The following ARHGEF11 variants were observed in gnomAD, a reference collection of about 807,000 sequenced individuals.
ARHGEF11 encodes the protein Rho guanine nucleotide exchange factor 11, also known as Rho guanine exchange factor (GEF) 11.
ARHGEF11 carries 55 observed loss-of-function variants against 193.7 expected under a neutral mutation model. The observed-to-expected ratio is 0.28, with a 90% CI of 0.23 to 0.36. The LOEUF (loss-of-function observed/expected upper bound fraction) is 0.36, where lower values mean the gene tolerates loss of function less well. Ranked by LOEUF, ARHGEF11 falls within the 10% of genes least tolerant of loss-of-function variation. The probability of loss-of-function intolerance (pLI) is 1.00; values close to 1 mark genes in which losing one functional copy is unlikely to be tolerated. For synonymous variants in ARHGEF11, 693 were observed against 768.0 expected (o/e 0.90, Z 1.62); for missense variants, 1,723 against 2,005.6 (o/e 0.86, Z 2.69).
At chr1:156,965,334 T>C (rs1329358634) in intron 11 of ARHGEF11, among the ~76,000 whole-genome samples, 1 of 151,812 alleles carries the variant, frequency 6.6e-6, no homozygotes. Context: ...AAGATAGGGG[T>C]ATAGAGAGGG....
chr1:156,937,561 C>T (rs534762547), intron 38 of ARHGEF11, 65 bp from the exon 39 acceptor site: 1 of 1,478,668 alleles, frequency 6.8e-7, no homozygotes, highest in African/African-American at 1.4e-5. Flanking sequence ...TCCTCCCGTT[C>T]CTGTGGGATT....
intron 40 of ARHGEF11, 132 bp downstream of exon 40, chr1:156,936,684 G>C: frequency 1.8e-6 from 2 of 1,081,104 alleles, no homozygotes; most frequent in East Asian, 2.4e-5. Flanking sequence ...GAAGCTGAGA[G>C]AATGAACTCG....
At chr1:157,021,274 C>T (rs1669939123) in intron 1 of ARHGEF11, among the ~76,000 whole-genome samples, 1 of 152,138 alleles carries the variant, frequency 6.6e-6, no homozygotes, top group Non-Finnish European at 1.5e-5. Flanking sequence ...TCCTTCCAAT[C>T]CTAAAGCCTT....
chr1:156,945,255 G>A (rs1014920847), intron 29 of ARHGEF11, 58 bp from the exon 30 acceptor site: 178 of 1,557,986 alleles, frequency 1.1e-4, no homozygotes, highest in Middle Eastern at 2.0e-4. Flanking sequence ...CCAACATGGC[G>A]CCAGCTGTTA....
chr1:156,982,526 C>T (rs901807452), intron 3 of ARHGEF11, among the ~76,000 whole-genome samples: 3 of 152,172 alleles, frequency 2.0e-5, no homozygotes, highest in African/African-American at 4.8e-5. Context: ...TCCTCCCCAA[C>T]ACACACATGC....
At chr1:156,994,395 T>TG (rs1000688090) in intron 1 of ARHGEF11, among the ~76,000 whole-genome samples, 30 of 151,214 alleles carry the variant, frequency 2.0e-4, no homozygotes, top group South Asian at 6.3e-4. Context: ...ATTGTGTGTT[T>TG]TTTTTTTTTT....
At position 157,016,323 on chromosome 1, in the gene ARHGEF11, G is replaced by A. The variant is rs1049548393; in HGVS notation, c.32+27976C>T. The stretch of plus-strand genomic sequence containing the variant: ...CAACCTCCGCCTCTCAGATTTAAGC[G>A]ATTCTCCTGCCTCAGCCTCCCGAGT... On this transcript the variant is annotated intron_variant, in intron 1 of 40. Transcript: ENST00000368194. 2.0e-5 allele frequency among the ~76,000 whole-genome samples: 3 copies of A among 152,098 alleles called. 1 individual carries two copies. The highest frequency in any genetic ancestry group is 1.5e-5 in the Non-Finnish European group (1 of 68,006).
chr1:157,025,082 A>G (rs114643924), intron 1 of ARHGEF11, among the ~76,000 whole-genome samples: 2,673 of 152,338 alleles, frequency 0.018, 78 homozygotes, highest in African/African-American at 0.062. Context: ...AGGATCAATG[A>G]ACATCTCTTG....
At chr1:157,026,710 C>G (rs1028666414) in intron 1 of ARHGEF11, among the ~76,000 whole-genome samples, 1 of 152,220 alleles carries the variant, frequency 6.6e-6, no homozygotes, top group African/African-American at 2.4e-5. Flanking sequence ...CCTCAGCTTT[C>G]TCACTATTAA....
intron 1 of ARHGEF11, among the ~76,000 whole-genome samples, chr1:156,998,749 C>T (rs1190979631): frequency 6.6e-6 from 1 of 152,154 alleles, no homozygotes; most frequent in Non-Finnish European, 1.5e-5. Context: ...TTACAGATCT[C>T]CTAAGATCTC....
At chr1:157,034,913 A>G (rs1029100623) in intron 1 of ARHGEF11, among the ~76,000 whole-genome samples, 4 of 152,332 alleles carry the variant, frequency 2.6e-5, no homozygotes, top group Admixed American at 2.6e-4. Flanking sequence ...GATATTAACC[A>G]GCAAAGACTT....
rs1276087995 is a variant in ARHGEF11, at chr1:156,948,169, C to T, written c.2153+12G>A. ...GACACCAAACAGAGGCACCACCGTG[C>T]CCATCACTTACCTGCGGCCCATTTT... On this transcript the variant is annotated intron_variant, in intron 24 of 40. Coordinates refer to ENST00000368194, the MANE Select transcript of ARHGEF11 (RefSeq NM_198236.3). The surrounding 1 kb of genome is among the most constrained non-coding windows in gnomAD (Gnocchi z 4.2). 2.6e-6 allele frequency: 4 copies of T among 1,557,894 alleles called. No homozygotes were observed. The Admixed American group carries it at 7.3e-5, about 28-fold the overall frequency.
chr1:157,031,715 G>C (rs1047368428), intron 1 of ARHGEF11, among the ~76,000 whole-genome samples: 7 of 152,196 alleles, frequency 4.6e-5, no homozygotes, highest in African/African-American at 1.7e-4. Flanking sequence ...GAGTGGCAAA[G>C]GCCCTAGAAC....
intron 10 of ARHGEF11, 79 bp from the exon 11 acceptor site, chr1:156,968,203 G>A (rs1326549050): frequency 6.7e-7 from 1 of 1,495,714 alleles, no homozygotes; most frequent in African/African-American, 1.4e-5. Context: ...TGTTGGTGGT[G>A]ATAACCATAC....
At chr1:157,036,056 A>AAT (rs1156488358) in intron 1 of ARHGEF11, among the ~76,000 whole-genome samples, 3 of 143,396 alleles carry the variant, frequency 2.1e-5, no homozygotes, top group East Asian at 2.0e-4. Flanking sequence ...TCTATATAGG[A>AAT]ATATATATAT....
At chr1:157,039,794 C>T (rs1672509793) in intron 1 of ARHGEF11, among the ~76,000 whole-genome samples, 1 of 152,160 alleles carries the variant, frequency 6.6e-6, no homozygotes, top group Non-Finnish European at 1.5e-5. Flanking sequence ...TAAAATAACT[C>T]CTCTTACGTT....
Position 156,947,756 on chromosome 1 carries a change from A to G in ARHGEF11, c.2341+13T>C. ...GTGTGAGCGGAGCTGGGGGCAGTGG[A>G]GCACGTTCTCACCATTGATGACCTC... On this transcript the variant is annotated intron_variant, in intron 25 of 40. Transcript: ENST00000368194. The G allele has an allele frequency of 6.2e-7, 1 of 1,611,754 alleles. No homozygotes were observed. Among genetic ancestry groups the G allele is most frequent in the Non-Finnish European group, 8.5e-7 (1 of 1,179,466 alleles).
intron 1 of ARHGEF11, among the ~76,000 whole-genome samples, chr1:156,986,950 C>T (rs1480277085): frequency 6.6e-6 from 1 of 152,210 alleles, no homozygotes; most frequent in Non-Finnish European, 1.5e-5. Flanking sequence ...CAGCTCCAGT[C>T]CCTCAGCCAG....
At position 156,971,740 on chromosome 1, in the gene ARHGEF11, G is replaced by C; in HGVS notation, c.659C>G (p.Thr220Ser). The change falls in exon 8 of 41, where the codon ACT becomes AGT. Residue 220 changes from threonine to serine, a missense_variant. Thr to Ser is a moderately conservative substitution (Grantham distance 58). Transcript: ENST00000368194. ...CTGCTGGATCTTCAGCTGTAACTGA[G>C]TGACTCGCCGCCGGGCACCTTCGAT... Reference protein sequence around the residue: ...EQIEGARRRVTQLQLKIQQET... With the variant: ...EQIEGARRRVSQLQLKIQQET... The C allele has an allele frequency of 6.2e-7, 1 of 1,614,054 alleles. No homozygotes were observed. The highest frequency in any genetic ancestry group is 1.1e-5 in the South Asian group (1 of 91,078).
Sources: gnomAD v4.1 joint callset for allele counts (sites outside exome capture counted in the v4.1 genomes callset) on GRCh38, gnomAD v4.1.1 for gene constraint, Gnocchi (gnomAD v3.1) non-coding constraint, MANE v1.5 for transcripts, NCBI Gene and HGNC (gene_info 2026-07-23, HGNC 2026-07-21) for gene names.